The following NRXN3 variants were observed in gnomAD, a reference collection of about 807,000 sequenced individuals.
NRXN3 encodes the protein neurexin III.
In NRXN3, 32 loss-of-function variants were observed where a neutral mutation model predicts 137.6. The ratio of observed to expected loss-of-function variants is 0.23; its 90% confidence interval spans 0.18 to 0.31. The LOEUF (loss-of-function observed/expected upper bound fraction) is 0.31. NRXN3 is among the 10% of genes least tolerant of loss of function. NRXN3 has a pLI of 1.00. For synonymous variants in NRXN3, 798 were observed against 784.5 expected, an observed-to-expected ratio of 1.02 and a Z score of -0.29; for missense variants, 1,574 against 2,062.5, an observed-to-expected ratio of 0.76 and a Z score of 4.59.
At chr14:78,529,940 C>G (rs1331619297) in intron 4 of NRXN3, among the ~76,000 whole-genome samples, 1 of 152,208 alleles carries the variant, frequency 6.6e-6, no homozygotes, top group Non-Finnish European at 1.5e-5. Context: ...TTAGCACTAG[C>G]ATAGTTCTCT....
chr14:78,473,207 C>T (rs540122791), intron 4 of NRXN3, among the ~76,000 whole-genome samples: 1 of 151,928 alleles, frequency 6.6e-6, no homozygotes, highest in African/African-American at 2.4e-5. Flanking sequence ...TCAAGACCAT[C>T]CTGGCTAACA....
intron 5 of NRXN3, 66 bp from the exon 6 acceptor site, chr14:78,651,099 A>T (rs1026112362): frequency 1.4e-6 from 2 of 1,433,072 alleles, no homozygotes; most frequent in African/African-American, 2.8e-5. Context: ...AGGGGAAGCC[A>T]CTGGGTTATG....
intron 19 of NRXN3, among the ~76,000 whole-genome samples, chr14:79,757,210 T>C (rs899033177): frequency 2.0e-5 from 3 of 152,180 alleles, no homozygotes; most frequent in Admixed American, 6.6e-5. Context: ...TCTCCTGCTC[T>C]CAGATTAGCA....
chr14:79,289,480 C>T (rs753778475), intron 15 of NRXN3, among the ~76,000 whole-genome samples: 2 of 152,022 alleles, frequency 1.3e-5, no homozygotes, highest in Non-Finnish European at 1.5e-5. Context: ...ATTAGCTGGG[C>T]GTGGTGGCAT....
At chr14:79,517,404 T>C (rs1473475945) in intron 16 of NRXN3, among the ~76,000 whole-genome samples, 1 of 152,144 alleles carries the variant, frequency 6.6e-6, no homozygotes, top group Non-Finnish European at 1.5e-5. Context: ...TTTCCTCCCC[T>C]AGTTTTTTGT....
At chr14:78,531,356 T>A (rs1469313234) in intron 4 of NRXN3, among the ~76,000 whole-genome samples, 3 of 152,222 alleles carry the variant, frequency 2.0e-5, no homozygotes, top group Non-Finnish European at 4.4e-5. Context: ...CTAATTGCTA[T>A]GATCAGAAAT....
chr14:79,475,463 T>TTA (rs375990549), intron 16 of NRXN3, among the ~76,000 whole-genome samples: 3 of 152,052 alleles, frequency 2.0e-5, no homozygotes, highest in East Asian at 1.9e-4. Flanking sequence ...ATCATTCATT[T>TTA]TATATATATA....
At chr14:78,459,446 C>G (rs995736113) in intron 4 of NRXN3, among the ~76,000 whole-genome samples, 1 of 152,146 alleles carries the variant, frequency 6.6e-6, no homozygotes, top group Non-Finnish European at 1.5e-5. Flanking sequence ...ATCTCATCAG[C>G]CTCTCGTCCT....
chr14:78,636,803 G>A (rs1389521554), intron 4 of NRXN3, among the ~76,000 whole-genome samples: 2 of 151,852 alleles, frequency 1.3e-5, no homozygotes, highest in Non-Finnish European at 2.9e-5. Flanking sequence ...CAGTACAATT[G>A]GCCCAGGTTG....
rs180801774 is a variant in NRXN3 at position 79,778,340 on chromosome 14, C to T, written c.4015-26772C>T. On this transcript the variant is annotated intron_variant, in intron 19 of 20. Coordinates refer to ENST00000335750, the MANE Select transcript of NRXN3 (RefSeq NM_001330195.2). ...CTGAGGCAGGAGAATCACTTGAACCCAGGAGGCGGAGGTTGCAGTGAGCTG... is the reference window on the plus strand; with the variant it reads ...CTGAGGCAGGAGAATCACTTGAACCTAGGAGGCGGAGGTTGCAGTGAGCTG... Among the ~76,000 whole-genome samples, 27 of 152,250 alleles carry T rather than the reference C, an allele frequency of 1.8e-4. 1 individual carries two copies. The Middle Eastern group carries it at 0.017, about 96-fold the overall frequency.
chr14:79,382,530 T>C (rs2094499164), intron 15 of NRXN3, among the ~76,000 whole-genome samples: 1 of 152,148 alleles, frequency 6.6e-6, no homozygotes, highest in Admixed American at 6.5e-5. Context: ...AGAACAATTG[T>C]TCTCCCCAAT....
chr14:78,814,600 C>T (rs535797333), intron 10 of NRXN3, among the ~76,000 whole-genome samples: 34 of 152,198 alleles, frequency 2.2e-4, no homozygotes, highest in Middle Eastern at 6.8e-3. Context: ...GGCGACTGAG[C>T]GAGACTCCAT....
intron 10 of NRXN3, among the ~76,000 whole-genome samples, chr14:78,907,954 C>T (rs1257513753): frequency 6.6e-6 from 1 of 151,958 alleles, no homozygotes; most frequent in Non-Finnish European, 1.5e-5. Flanking sequence ...CACCCATGTC[C>T]CTGCAAAAGA....
chr14:78,543,015 G>T (rs569922584), intron 4 of NRXN3, among the ~76,000 whole-genome samples: 1 of 152,150 alleles, frequency 6.6e-6, no homozygotes, highest in African/African-American at 2.4e-5. Flanking sequence ...GTCACTTTAG[G>T]TGGGGTAGAA....
At chr14:78,819,900 C>G (rs2098945696) in intron 10 of NRXN3, among the ~76,000 whole-genome samples, 1 of 152,136 alleles carries the variant, frequency 6.6e-6, no homozygotes, top group Non-Finnish European at 1.5e-5. Context: ...TGTAATCCAT[C>G]AAATATTTTC....
intron 4 of NRXN3, among the ~76,000 whole-genome samples, chr14:78,344,859 G>T (rs1014393126): frequency 2.6e-5 from 4 of 152,172 alleles, no homozygotes; most frequent in Non-Finnish European, 5.9e-5. Flanking sequence ...TTGAAAGGGG[G>T]TTGGGAATTT....
At chr14:78,918,310 G>A (rs1299166180) in intron 10 of NRXN3, among the ~76,000 whole-genome samples, 133 of 124,706 alleles carry the variant, frequency 1.1e-3, no homozygotes, top group African/African-American at 4.1e-3. Context: ...AAAAAAAAGA[G>A]AGAGAGAGAG....
chr14:78,657,417 T>A (rs2097793598), intron 6 of NRXN3, among the ~76,000 whole-genome samples: 1 of 152,214 alleles, frequency 6.6e-6, no homozygotes, highest in Admixed American at 6.5e-5. Flanking sequence ...ACTCCTCCAT[T>A]TTCCCAAGTG....
At chr14:79,129,956 T>A (rs868502271) in intron 15 of NRXN3, among the ~76,000 whole-genome samples, 1 of 148,662 alleles carries the variant, frequency 6.7e-6, no homozygotes, top group Non-Finnish European at 1.5e-5. Flanking sequence ...CTCTTTTGAT[T>A]TTTGTTGGTT....
Sources: allele counts gnomAD v4.1 joint callset (sites outside exome capture counted in the v4.1 genomes callset), GRCh38; gene constraint gnomAD v4.1.1; transcripts MANE v1.5; gene names NCBI Gene and HGNC (gene_info 2026-07-23, HGNC 2026-07-21).